Variants in WWC1 observed in about 807,000 individuals in gnomAD.
WWC1 encodes WW and C2 domain containing 1.
A neutral mutation model predicts 138.4 loss-of-function variants in WWC1; 55 were observed. The observed-to-expected ratio is 0.40, with a 90% confidence interval of 0.32 to 0.50. The LOEUF (loss-of-function observed/expected upper bound fraction) is 0.50. WWC1 is among the 20% of genes least tolerant of loss of function. WWC1 has a pLI of 0.72. For missense variants in WWC1, 1,226 were observed against 1,420.4 expected, an observed-to-expected ratio of 0.86 and a Z score of 2.20; for synonymous variants, 524 against 564.9, an observed-to-expected ratio of 0.93 and a Z score of 1.03.
intron 1 of WWC1, among the ~76,000 whole-genome samples, chr5:168,319,760 C>T (rs1771904341): frequency 6.6e-6 from 1 of 152,142 alleles, no homozygotes. Context: ...CCTTGGCCTC[C>T]CATAGTGTTG....
In WWC1 at chr5:168,385,420, T is replaced by C; in HGVS notation, c.433+6T>C. 1 of 1,612,132 alleles carries C rather than the reference T, an allele frequency of 6.2e-7. No homozygotes were observed. Among genetic ancestry groups the C allele is most frequent in the Non-Finnish European group, 8.5e-7 (1 of 1,179,414 alleles). The stretch of plus-strand genomic sequence containing the variant: ...GCTGGGCTCCCAGGTCAGCTGTGAG[T>C]ACCTCCCACTACCACCACCCCCACC... On this transcript the variant is annotated splice_donor_region_variant and intron_variant, in intron 3 of 22. Coordinates refer to ENST00000265293, the MANE Select transcript of WWC1 (RefSeq NM_015238.3).
chr5:168,431,501 G>C, intron 15 of WWC1, 57 bp downstream of exon 15: 1 of 1,097,528 alleles, frequency 9.1e-7, no homozygotes, highest in Non-Finnish European at 1.3e-6. Flanking sequence ...TGGCTGGCTG[G>C]CTGACCGGCC....
chr5:168,396,082 T>C (rs1252696735), intron 3 of WWC1, among the ~76,000 whole-genome samples: 2 of 148,694 alleles, frequency 1.3e-5, no homozygotes, highest in Non-Finnish European at 3.0e-5. Flanking sequence ...CATGTGAACA[T>C]TAAAGAGTGT....
chr5:168,427,821 T>C (rs912880390), intron 11 of WWC1, among the ~76,000 whole-genome samples: 1 of 151,702 alleles, frequency 6.6e-6, no homozygotes, highest in Non-Finnish European at 1.5e-5. Flanking sequence ...ATTAGCTGGG[T>C]ATGGTGGCAC....
intron 1 of WWC1, among the ~76,000 whole-genome samples, chr5:168,330,349 G>T (rs1353103736): frequency 3.3e-5 from 5 of 152,132 alleles, no homozygotes; most frequent in African/African-American, 7.2e-5. Flanking sequence ...AAACTGGGAT[G>T]TTCTATGGAG....
At chr5:168,385,108 T>C in intron 2 of WWC1, 103 bp from the exon 3 acceptor site, 1 of 1,099,770 alleles carries the variant, frequency 9.1e-7, no homozygotes. Flanking sequence ...TTGTGATTTG[T>C]CTATGCATTT....
At chr5:168,303,264 G>C (rs968304899) in intron 1 of WWC1, among the ~76,000 whole-genome samples, 2 of 152,194 alleles carry the variant, frequency 1.3e-5, no homozygotes, top group African/African-American at 4.8e-5. Context: ...AGCCTGACCA[G>C]TAGCAAAATC....
chr5:168,447,192 C>G (rs1328867148), intron 17 of WWC1, among the ~76,000 whole-genome samples: 3 of 152,190 alleles, frequency 2.0e-5, no homozygotes, highest in Non-Finnish European at 4.4e-5. Flanking sequence ...GCATGATAAG[C>G]ACTTAACACA....
chr5:168,435,320 G>A (rs60205281), intron 15 of WWC1, among the ~76,000 whole-genome samples: 24,113 of 152,074 alleles, frequency 0.16, 2,219 homozygotes, highest in African/African-American at 0.25. Context: ...CAGCCATTCC[G>A]CTCTTTCCTC....
At chr5:168,413,731 C>T (rs371069162) in intron 8 of WWC1, among the ~76,000 whole-genome samples, 7 of 152,294 alleles carry the variant, frequency 4.6e-5, no homozygotes, top group South Asian at 2.1e-4. Flanking sequence ...ATTGAGAATA[C>T]GCGGTCAGTA....
At chr5:168,335,495 T>C (rs1315104862) in intron 1 of WWC1, among the ~76,000 whole-genome samples, 1 of 152,222 alleles carries the variant, frequency 6.6e-6, no homozygotes, top group Non-Finnish European at 1.5e-5. Context: ...TCCTGGGCAA[T>C]GTACTAAGCA....
In WWC1 at chr5:168,359,033, G is replaced by GGTGTGTGTGTGTGT. The variant is rs58992917; in HGVS notation, c.120-12366_120-12353dup. On this transcript the variant is annotated intron_variant, in intron 1 of 22. Coordinates refer to ENST00000265293, the MANE Select transcript of WWC1 (RefSeq NM_015238.3). ...TTTTTGTTGTTGTTGGTGGTGGTGG[G>GGTGTGTGTGTGTGT]GTGTGTGTGTGTGTGTGTGTGTGTG... Among the ~76,000 whole-genome samples, 491 of 148,288 alleles carry GGTGTGTGTGTGTGT rather than the reference G, an allele frequency of 3.3e-3. 2 individuals are homozygous for GGTGTGTGTGTGTGT. The highest frequency in any genetic ancestry group is 0.012 in the African/African-American group (472 of 39,646).
chr5:168,431,234 G>A lies in WWC1; in HGVS notation c.2088-18G>A. 6.3e-7 allele frequency: 1 copy of A among 1,594,046 alleles called. No homozygotes were observed. The highest frequency in any genetic ancestry group is 8.6e-7 in the Non-Finnish European group (1 of 1,169,428). On this transcript the variant is annotated intron_variant, in intron 14 of 22. Coordinates refer to ENST00000265293, the MANE Select transcript of WWC1 (RefSeq NM_015238.3). ...CATGGGCTGACCCAAGATTTCCTGC[G>A]GTTCTGTCTCCCTCTAGGAATATCC...
intron 1 of WWC1, among the ~76,000 whole-genome samples, chr5:168,370,217 T>C (rs1776647501): frequency 1.3e-5 from 2 of 152,300 alleles, no homozygotes; most frequent in South Asian, 2.1e-4. Context: ...CAAATACTTA[T>C]TGAGCGCCAA....
chr5:168,356,439 G>A (rs1223878575), intron 1 of WWC1, among the ~76,000 whole-genome samples: 1 of 152,214 alleles, frequency 6.6e-6, no homozygotes, highest in Non-Finnish European at 1.5e-5. Context: ...GGTGTCCATA[G>A]GAAAAAAGGT....
At chr5:168,457,440 G>GC (rs1388752061) in intron 19 of WWC1, among the ~76,000 whole-genome samples, 2 of 152,254 alleles carry the variant, frequency 1.3e-5, no homozygotes, top group East Asian at 3.9e-4. Flanking sequence ...CCTCCACCCT[G>GC]CCCCCTCCAC....
intron 3 of WWC1, among the ~76,000 whole-genome samples, chr5:168,386,488 G>A (rs1284587036): frequency 6.6e-6 from 1 of 151,886 alleles, no homozygotes; most frequent in Non-Finnish European, 1.5e-5. Context: ...CGCCTCCTGG[G>A]TTCATGCCAT....
intron 15 of WWC1, among the ~76,000 whole-genome samples, chr5:168,432,524 A>G (rs1329209343): frequency 1.3e-5 from 2 of 152,240 alleles, no homozygotes; most frequent in Non-Finnish European, 1.5e-5. Context: ...TAGAAGAAGT[A>G]AAGGGCTTTG....
chr5:168,300,901 C>G (rs1046142193), intron 1 of WWC1, among the ~76,000 whole-genome samples: 1 of 152,202 alleles, frequency 6.6e-6, no homozygotes, highest in Non-Finnish European at 1.5e-5. Flanking sequence ...TGAGATGACC[C>G]TGGGACAGCC....
Sources: allele counts gnomAD v4.1 joint callset (sites outside exome capture counted in the v4.1 genomes callset), GRCh38; gene constraint gnomAD v4.1.1; transcripts MANE v1.5; gene names NCBI Gene and HGNC (gene_info 2026-07-23, HGNC 2026-07-21).